The following TIA1 variants were observed in gnomAD, a reference collection of about 807,000 sequenced individuals.
TIA1 encodes cytotoxic granule associated RNA binding protein TIA1.
TIA1 carries 23 observed loss-of-function variants against 65.9 expected under a neutral mutation model. The observed-to-expected ratio is 0.35, with a 90% CI of 0.25 to 0.49. The LOEUF is 0.49. Among genes scored for constraint, TIA1 ranks in the 20% least tolerant of loss-of-function variants. The pLI is 0.98. For missense variants in TIA1, 371 were observed against 477.9 expected (o/e 0.78, Z 2.09); for synonymous variants, 147 against 149.4 (o/e 0.98, Z 0.12).
At chr2:70,241,901 A>G (rs965542955) in intron 1 of TIA1, among the ~76,000 whole-genome samples, 1 of 151,232 alleles carries the variant, frequency 6.6e-6, no homozygotes, top group East Asian at 1.9e-4. Flanking sequence ...GTGAGACCTT[A>G]CCTCTAAAAA....
At chr2:70,248,643 G>C (rs957518399), upstream of TIA1, 8 of 652,852 alleles carry the variant, frequency 1.2e-5, no homozygotes, top group South Asian at 1.4e-4. Flanking sequence ...CGGGAGCCTA[G>C]GAGCAGCCAG....
chr2:70,243,419 C>T (rs1201674143), intron 1 of TIA1, among the ~76,000 whole-genome samples: 1 of 151,906 alleles, frequency 6.6e-6, no homozygotes. Context: ...AGGATGAGAC[C>T]CTATCTCAAT....
chr2:70,225,437 C>T, intron 6 of TIA1: 1 of 1,283,758 alleles, frequency 7.8e-7, no homozygotes, highest in South Asian at 1.3e-5. Flanking sequence ...TGAGTAAAAA[C>T]CCAGCCATGA....
In TIA1 at chr2:70,210,447, C is replaced by G. The variant is rs1401655974; in HGVS notation, c.*2272G>C. On this transcript the variant is annotated 3_prime_UTR_variant, in exon 13 of 13. Coordinates refer to ENST00000433529, the MANE Select transcript of TIA1 (RefSeq NM_022173.4). The stretch of plus-strand genomic sequence containing the variant: ...GATTTAAACCAAAGATAGAGGTGTT[C>G]CTGAAATGTGAATTTGTTCAGTAGT... 1 of 152,116 alleles carries G rather than the reference C, an allele frequency of 6.6e-6. No individual in the cohort carries two copies. Among genetic ancestry groups the G allele is most frequent in the African/African-American group, 2.4e-5 (1 of 41,430 alleles). 9.4% of individuals were successfully genotyped at this position (152,116 alleles called of 1,614,324 possible).
chr2:70,225,021 T>C (rs994920132), intron 6 of TIA1: 2 of 989,392 alleles, frequency 2.0e-6, no homozygotes, highest in African/African-American at 3.5e-5. Context: ...ATATTCTACC[T>C]AATCATTAAA....
intron 12 of TIA1, 77 bp from the exon 13 acceptor site, chr2:70,212,922 C>T: frequency 1.1e-6 from 1 of 941,068 alleles, no homozygotes; most frequent in Admixed American, 1.8e-5. Flanking sequence ...GAACAAACAA[C>T]AAGAACAAAT....
At chr2:70,224,791 G>T (rs1683094815) in intron 6 of TIA1, 162 bp from the exon 7 acceptor site, 13 of 1,398,288 alleles carry the variant, frequency 9.3e-6, no homozygotes, top group Non-Finnish European at 1.2e-5. Context: ...ATTAGGAAAT[G>T]AGGCTTAATT....
chr2:70,225,800 C>T (rs948812536), intron 6 of TIA1, among the ~76,000 whole-genome samples: 4 of 152,126 alleles, frequency 2.6e-5, no homozygotes, highest in African/African-American at 9.7e-5. Flanking sequence ...TGACTCTCTT[C>T]TACGCTGTAA....
At chr2:70,247,650 AAT>A (rs150819263) in intron 1 of TIA1, among the ~76,000 whole-genome samples, 1,766 of 152,288 alleles carry the variant, frequency 0.012, 39 homozygotes, top group African/African-American at 0.041. Context: ...ATTCTCTGTA[AAT>A]ATGTTAGGGC....
intron 10 of TIA1, chr2:70,215,705 A>G: frequency 8.1e-6 from 4 of 493,082 alleles, no homozygotes; most frequent in Non-Finnish European, 1.1e-5. Context: ...TTAGGGAGGG[A>G]GCTATAAAAT....
intron 9 of TIA1, 25 bp downstream of exon 9, chr2:70,216,379 T>A (rs1046002344): frequency 5.0e-6 from 8 of 1,594,612 alleles, no homozygotes; most frequent in Non-Finnish European, 6.8e-6. Flanking sequence ...TAAAAATTAA[T>A]GCCACACAGG....
chr2:70,222,977 A>G (rs1254047892), intron 7 of TIA1, among the ~76,000 whole-genome samples: 1 of 152,236 alleles, frequency 6.6e-6, no homozygotes, highest in East Asian at 1.9e-4. Context: ...CAGAATTTGT[A>G]TACATCTCTG....
At chr2:70,233,367 TA>T (rs989178755) in intron 2 of TIA1, among the ~76,000 whole-genome samples, 1 of 152,148 alleles carries the variant, frequency 6.6e-6, no homozygotes, top group Non-Finnish European at 1.5e-5. Context: ...ATATTTTGTC[TA>T]AAAAAATTAG....
rs1676529421 is a variant in TIA1, at chr2:70,211,698, G to T, written c.*1021C>A. On this transcript the variant is annotated 3_prime_UTR_variant, in exon 13 of 13. Transcript: ENST00000433529. ...GACTTTGTATTCAAAGACTACCAAAGTATGTATTTGATTTTCACATGCAAA... is the reference window on the plus strand; with the variant it reads ...GACTTTGTATTCAAAGACTACCAAATTATGTATTTGATTTTCACATGCAAA... The T allele has an allele frequency of 6.6e-6, 1 of 152,558 alleles. No individual in the cohort carries two copies. 9.5% of individuals were successfully genotyped at this position (152,558 alleles called of 1,614,324 possible). A position where few individuals can be genotyped will look rare whatever the true frequency, so the allele number is the denominator to read the frequency against.
rs1690788525 is a variant in TIA1, at chr2:70,239,615, A to G, written c.27-3440T>C. 2.0e-5 allele frequency among the ~76,000 whole-genome samples: 3 copies of G among 152,322 alleles called. No individual in the cohort carries two copies. In the South Asian group the frequency reaches 6.2e-4, roughly 32 times the overall value. ...TTCATACATGCTCACAAAGTGTGGA[A>G]TCAATTTCTTCTTTCCATCTACCAT... On this transcript the variant is annotated intron_variant, in intron 1 of 12. Coordinates refer to ENST00000433529, the MANE Select transcript of TIA1 (RefSeq NM_022173.4).
rs199990379 is a variant in TIA1 at position 70,237,524 on chromosome 2, A to G, written c.27-1349T>C. On this transcript the variant is annotated intron_variant, in intron 1 of 12. Transcript: ENST00000433529. ...TTTCCAGGCTTACCTTAGGAAGACA[A>G]GCTTTAAAAACACTCAAATGAATCA... 5.9e-5 allele frequency among the ~76,000 whole-genome samples: 9 copies of G among 152,166 alleles called. No individual in the cohort carries two copies. In the East Asian group the frequency reaches 1.7e-3, roughly 29 times the overall value.
At position 70,228,278 on chromosome 2, in the gene TIA1, C is replaced by T. The variant is rs1026062368; in HGVS notation, c.311-456G>A. On this transcript the variant is annotated intron_variant, in intron 5 of 12. Coordinates refer to ENST00000433529, the MANE Select transcript of TIA1 (RefSeq NM_022173.4). ...GATTTGCCTCAGTTAACACAATTTA[C>T]TGAAGCTAGCTACATGATATATACT... is the stretch of plus-strand genomic sequence containing the variant. 12 of 1,205,420 alleles carry T rather than the reference C, an allele frequency of 1.0e-5. No individual in the cohort carries two copies. In the Admixed American group the frequency reaches 3.3e-4, roughly 33 times the overall value. The allele number at this position is 1,205,420 out of a possible 1,614,324, so 74.7% of individuals were successfully genotyped here. A position where few individuals can be genotyped will look rare whatever the true frequency, so the allele number is the denominator to read the frequency against.
chr2:70,247,218 G>A (rs1358662535), intron 1 of TIA1, among the ~76,000 whole-genome samples: 3 of 152,096 alleles, frequency 2.0e-5, no homozygotes, highest in Non-Finnish European at 4.4e-5. Context: ...ATAGAGAAAA[G>A]AAATTTCAAG....
intron 2 of TIA1, 75 bp from the exon 3 acceptor site, chr2:70,230,929 ATCTT>A: frequency 5.2e-6 from 6 of 1,145,490 alleles, no homozygotes; most frequent in African/African-American, 1.6e-5. Context: ...AAAAAAAAAA[ATCTT>A]AAACCAAGTT....
Sources: gnomAD v4.1 joint callset for allele counts (sites outside exome capture counted in the v4.1 genomes callset) on GRCh38, gnomAD v4.1.1 for gene constraint, MANE v1.5 for transcripts, NCBI Gene and HGNC (gene_info 2026-07-23, HGNC 2026-07-21) for gene names.